The following ADAMTS12 variants were observed in gnomAD, a reference collection of about 807,000 sequenced individuals.
The protein encoded by ADAMTS12 is A disintegrin and metalloproteinase with thrombospondin motifs 12.
ADAMTS12 carries 118 observed loss-of-function variants against 167.8 expected under a neutral mutation model. The ratio of observed to expected loss-of-function variants is 0.70; its 90% CI spans 0.61 to 0.82. ADAMTS12 has a LOEUF of 0.82. ADAMTS12 is among the 40% of genes least tolerant of loss of function. ADAMTS12 has a pLI of 0.00. For missense variants in ADAMTS12, 1,916 were observed against 1,998.8 expected (o/e 0.96, Z 0.79); for synonymous variants, 704 against 716.9 (o/e 0.98, Z 0.29).
intron 3 of ADAMTS12, among the ~76,000 whole-genome samples, chr5:33,731,168 C>A (rs1449457315): frequency 2.6e-5 from 4 of 151,400 alleles, no homozygotes; most frequent in African/African-American, 9.7e-5. Context: ...TTCTTAGTTT[C>A]TTCTCTGCTT....
rs556126648 is a variant in ADAMTS12, at chr5:33,595,254, C to A, written c.2654+680G>T. On this transcript the variant is annotated intron_variant, in intron 17 of 23. Coordinates refer to ENST00000504830, the MANE Select transcript of ADAMTS12 (RefSeq NM_030955.4). Reference sequence around the variant, plus strand: ...TCTCTTGAACCAATGTGATTAGCAACACCCTGAATATTGCTGAATATCTCT... The same window carrying A: ...TCTCTTGAACCAATGTGATTAGCAAAACCCTGAATATTGCTGAATATCTCT... 1.2e-4 allele frequency among the ~76,000 whole-genome samples: 18 copies of A among 152,220 alleles called. No homozygotes were observed. The East Asian group carries it at 3.5e-3, about 29-fold the overall frequency.
Position 33,594,146 on chromosome 5 carries a change from G to A in ADAMTS12, c.2654+1788C>T, listed in dbSNP as rs950422835. Among the ~76,000 whole-genome samples the A allele has an allele frequency of 5.3e-5, 8 of 152,272 alleles. 1 individual carries two copies. The highest frequency in any genetic ancestry group is 6.8e-3 in the Middle Eastern group (2 of 294). ...TGGGAGATAATTGAATCACGGGGGCGGATTGCCCCATACTGTTCTCATGCT... is the reference window on the plus strand; with the variant it reads ...TGGGAGATAATTGAATCACGGGGGCAGATTGCCCCATACTGTTCTCATGCT... On this transcript the variant is annotated intron_variant, in intron 17 of 23. Coordinates refer to ENST00000504830, the MANE Select transcript of ADAMTS12 (RefSeq NM_030955.4).
chr5:33,763,450 T>C (rs1745425625), intron 2 of ADAMTS12, among the ~76,000 whole-genome samples: 1 of 152,152 alleles, frequency 6.6e-6, no homozygotes, highest in African/African-American at 2.4e-5. Flanking sequence ...AAAAGGAAGG[T>C]AGCCATGGCA....
chr5:33,542,995 G>A (rs1395568013), intron 22 of ADAMTS12, among the ~76,000 whole-genome samples: 1 of 151,974 alleles, frequency 6.6e-6, no homozygotes. Context: ...CTAGCAGAAG[G>A]CAAGAAATAA....
chr5:33,781,063 G>A (rs1481439241), intron 2 of ADAMTS12, among the ~76,000 whole-genome samples: 1 of 152,088 alleles, frequency 6.6e-6, no homozygotes, highest in African/African-American at 2.4e-5. Context: ...TGTTTTCTGG[G>A]ATTAAGTGAA....
At chr5:33,548,618 A>G (rs1359029510) in intron 21 of ADAMTS12, among the ~76,000 whole-genome samples, 1 of 152,034 alleles carries the variant, frequency 6.6e-6, no homozygotes, top group African/African-American at 2.4e-5. Context: ...ATCACACTTC[A>G]CCAAAGAACT....
intron 2 of ADAMTS12, among the ~76,000 whole-genome samples, chr5:33,776,633 A>G (rs1238741625): frequency 6.6e-6 from 1 of 152,170 alleles, no homozygotes; most frequent in Non-Finnish European, 1.5e-5. Context: ...AAAATCTCAA[A>G]CAACCTAGCT....
intron 2 of ADAMTS12, among the ~76,000 whole-genome samples, chr5:33,784,416 ATAGACAATATAATTATTTATT>A (rs1452086224): frequency 1.3e-5 from 2 of 151,990 alleles, no homozygotes; most frequent in Non-Finnish European, 2.9e-5. Context: ...AGACTCTTTT[ATAGACAATATAATTATTTATT>A]TAGAAAATCC....
intron 5 of ADAMTS12, among the ~76,000 whole-genome samples, chr5:33,663,470 C>T (rs112435945): frequency 0.02 from 2,979 of 152,142 alleles, 115 homozygotes; most frequent in African/African-American, 0.069. Context: ...AGGAGAGAAA[C>T]GAAGGAAATA....
Position 33,747,498 on chromosome 5 carries a change from T to C in ADAMTS12, c.634+3906A>G, listed in dbSNP as rs192640946. Among the ~76,000 whole-genome samples the C allele has an allele frequency of 9.4e-4, 143 of 152,340 alleles. 3 individuals are homozygous for C. The highest frequency in any genetic ancestry group is 1.1e-3 in the Non-Finnish European group (77 of 68,036). On this transcript the variant is annotated intron_variant, in intron 3 of 23. Coordinates refer to ENST00000504830, the MANE Select transcript of ADAMTS12 (RefSeq NM_030955.4). ...GCATTATCTGTTAAAGTCATAGATG[T>C]ATTTATCTTATTGGTTACTAATTTC...
intron 2 of ADAMTS12, among the ~76,000 whole-genome samples, chr5:33,756,795 A>T (rs900120591): frequency 1.3e-5 from 2 of 152,190 alleles, no homozygotes; most frequent in Non-Finnish European, 2.9e-5. Flanking sequence ...CCATGACCCA[A>T]GCAGGTATCA....
In ADAMTS12 at chr5:33,615,929, C is replaced by T. The variant is rs191229695; in HGVS notation, c.2287G>A (p.Gly763Arg). ...LNGGFIIQWN[G>R]NYKLAGTVFQ... ...ACAGTCCCTGCCAGCTTATAGTTCC[C>T]GTTCCACTGGATAATAAACCCTCCA... The change falls in exon 15 of 24, where the codon GGG becomes AGG. Residue 763 changes from glycine (G) to arginine (R), a missense_variant. Gly to Arg is a moderately radical substitution (Grantham distance 125, BLOSUM62 -2). Transcript: ENST00000504830. 21 of 1,614,118 alleles carry T rather than the reference C, an allele frequency of 1.3e-5. No homozygotes were observed. Among genetic ancestry groups the T allele is most frequent in the African/African-American group, 6.7e-5 (5 of 75,026 alleles).
intron 2 of ADAMTS12, among the ~76,000 whole-genome samples, chr5:33,815,471 G>C (rs1747615090): frequency 6.6e-6 from 1 of 152,194 alleles, no homozygotes; most frequent in South Asian, 2.1e-4. Flanking sequence ...CAGAAAGAGG[G>C]CCCTTGCCCT....
intron 3 of ADAMTS12, among the ~76,000 whole-genome samples, chr5:33,702,895 T>C (rs571222168): frequency 6.6e-6 from 1 of 152,248 alleles, no homozygotes; most frequent in East Asian, 1.9e-4. Flanking sequence ...AACGAGTGGC[T>C]GGAAACAAGA....
At chr5:33,645,864 T>C (rs1312820077) in intron 9 of ADAMTS12, among the ~76,000 whole-genome samples, 1 of 152,216 alleles carries the variant, frequency 6.6e-6, no homozygotes, top group East Asian at 1.9e-4. Flanking sequence ...TAGGCATTGC[T>C]GAGTGTCAGG....
chr5:33,839,398 G>A (rs1748657864), intron 2 of ADAMTS12, among the ~76,000 whole-genome samples: 1 of 152,178 alleles, frequency 6.6e-6, no homozygotes, highest in Non-Finnish European at 1.5e-5. Flanking sequence ...GAATTTTGGT[G>A]TATGCTGTTG....
chr5:33,585,471 C>T (rs1038539559), intron 18 of ADAMTS12, among the ~76,000 whole-genome samples: 1 of 152,196 alleles, frequency 6.6e-6, no homozygotes, highest in African/African-American at 2.4e-5. Context: ...TAAACAAACA[C>T]ACACATCCTG....
chr5:33,827,572 T>C (rs1423302), intron 2 of ADAMTS12, among the ~76,000 whole-genome samples: 24,194 of 152,040 alleles, frequency 0.16, 2,006 homozygotes, highest in Non-Finnish European at 0.18. Flanking sequence ...AGAAAGCTAT[T>C]ACCTCAGCAA....
At chr5:33,781,623 T>C (rs562079311) in intron 2 of ADAMTS12, among the ~76,000 whole-genome samples, 1 of 152,308 alleles carries the variant, frequency 6.6e-6, no homozygotes, top group East Asian at 1.9e-4. Context: ...TGACTATAAT[T>C]GAAAGGTCAA....
Sources: gnomAD v4.1 joint callset for allele counts (sites outside exome capture counted in the v4.1 genomes callset) on GRCh38, gnomAD v4.1.1 for gene constraint, MANE v1.5 for transcripts, NCBI Gene and HGNC (gene_info 2026-07-23, HGNC 2026-07-21) for gene names.